METTL8: variants seen among roughly 807,000 people sequenced by gnomAD.
METTL8 encodes the protein methyltransferase 8, tRNA N3-cytidine.
In METTL8, 32 loss-of-function variants were observed where a neutral mutation model predicts 48.7. The observed-to-expected ratio is 0.66, with a 90% confidence interval of 0.50 to 0.88. The LOEUF is 0.88. METTL8 is among the 40% of genes least tolerant of loss of function. The pLI, the probability that METTL8 is intolerant of heterozygous loss-of-function variation, is 0.00. For synonymous variants in METTL8, 136 were observed against 157.1 expected (o/e 0.87, Z 1.01); for missense variants, 464 against 474.4 (o/e 0.98, Z 0.20).
chr2:171,331,330 C>T (rs1195423317), intron 6 of METTL8, among the ~76,000 whole-genome samples: 3 of 151,778 alleles, frequency 2.0e-5, no homozygotes, highest in African/African-American at 4.8e-5. Flanking sequence ...AAGATGGTCT[C>T]GATCTCCTGA....
intron 7 of METTL8, among the ~76,000 whole-genome samples, chr2:171,327,476 C>T (rs201889172): frequency 1.3e-5 from 2 of 152,170 alleles, no homozygotes; most frequent in East Asian, 3.8e-4. Context: ...CTTGTCTCTG[C>T]CTTATCTAAG....
chr2:171,331,243 T>A (rs1199232371), intron 6 of METTL8, among the ~76,000 whole-genome samples: 3 of 152,076 alleles, frequency 2.0e-5, no homozygotes, highest in African/African-American at 7.2e-5. Context: ...CCCAAGTAGC[T>A]GGGATTACAG....
intron 2 of METTL8, among the ~76,000 whole-genome samples, chr2:171,365,219 A>G (rs1405431135): frequency 6.6e-6 from 1 of 152,172 alleles, no homozygotes; most frequent in Non-Finnish European, 1.5e-5. Flanking sequence ...CCTTTGAAGC[A>G]GTGGAGTATA....
In METTL8 at chr2:171,337,510, C is replaced by A; in HGVS notation, c.607-8G>T. 3 of 1,600,314 alleles carry A rather than the reference C, an allele frequency of 1.9e-6. No individual in the cohort carries two copies. In the South Asian group the frequency reaches 3.4e-5, roughly 18 times the overall value. ...TCCAGCTCCACAACCAACCTAAAAT[C>A]AAAAGAACAAGCAAATATCAAAAAA... On this transcript the variant is annotated splice_region_variant and splice_polypyrimidine_tract_variant and intron_variant, in intron 4 of 9. Transcript: ENST00000375258.
chr2:171,324,099 G>T lies in METTL8; in HGVS notation c.*73C>A. ...TCTTCTTTTTTTCTCATTGTCTTTT[G>T]AGAAACAATAGACTTACAGTAGTCC... On this transcript the variant is annotated 3_prime_UTR_variant, in exon 10 of 10. Coordinates refer to ENST00000375258, the MANE Select transcript of METTL8 (RefSeq NM_001321154.2). The T allele has an allele frequency of 1.8e-6, 2 of 1,124,018 alleles. No homozygotes were observed. The highest frequency in any genetic ancestry group is 2.5e-6 in the Non-Finnish European group (2 of 808,004). The allele number at this position is 1,124,018 out of a possible 1,614,324, so 69.6% of individuals were successfully genotyped here. A position where few individuals can be genotyped will look rare whatever the true frequency, so the allele number is the denominator to read the frequency against.
At chr2:171,377,414 G>A (rs1245882351) in intron 2 of METTL8, among the ~76,000 whole-genome samples, 1 of 152,170 alleles carries the variant, frequency 6.6e-6, no homozygotes, top group Non-Finnish European at 1.5e-5. Flanking sequence ...AAAAGCTTCT[G>A]CAAAGCAAAA....
At position 171,375,235 on chromosome 2, in the gene METTL8, C is replaced by T. The variant is rs182242253; in HGVS notation, c.144-14722G>A. On this transcript the variant is annotated intron_variant, in intron 2 of 9. Transcript: ENST00000375258. ...GCAGCGAATAGGATGCACGTGGCCG[C>T]GGCCCTTTTTGGCATGACCGTTGTT... 301 of 1,261,172 alleles carry T rather than the reference C, an allele frequency of 2.4e-4. 1 individual carries two copies. The East Asian group carries it at 5.1e-3, about 22-fold the overall frequency. The allele number at this position is 1,261,172 out of a possible 1,614,324, so 78.1% of individuals were successfully genotyped here. A position where few individuals can be genotyped will look rare whatever the true frequency, so the allele number is the denominator to read the frequency against.
At chr2:171,427,640 T>A (rs1692552537) in intron 1 of METTL8, among the ~76,000 whole-genome samples, 2 of 152,316 alleles carry the variant, frequency 1.3e-5, no homozygotes, top group African/African-American at 4.8e-5. Context: ...CATTCAGGGC[T>A]CAGCTTACAT....
chr2:171,375,334 C>T (rs1686852076), intron 2 of METTL8: 6 of 703,156 alleles, frequency 8.5e-6, no homozygotes, highest in African/African-American at 1.8e-5. Context: ...TGCCAAGTTC[C>T]TCGTTAGCAT....
At chr2:171,388,873 G>A (rs1688317327) in intron 2 of METTL8, among the ~76,000 whole-genome samples, 1 of 152,106 alleles carries the variant, frequency 6.6e-6, no homozygotes, top group African/African-American at 2.4e-5. Context: ...TATTGTAATT[G>A]TTTTAGAGTA....
chr2:171,348,441 C>G (rs1683529659), intron 3 of METTL8, among the ~76,000 whole-genome samples: 1 of 152,174 alleles, frequency 6.6e-6, no homozygotes, highest in Non-Finnish European at 1.5e-5. Context: ...AAACAGGCAG[C>G]AGGCTGGATT....
At chr2:171,434,430 C>G, upstream of METTL8, 1 of 1,403,692 alleles carries the variant, frequency 7.1e-7, no homozygotes, top group Non-Finnish European at 9.7e-7. Context: ...TCGGGTGCTC[C>G]CTGCCCGCCT....
At chr2:171,414,311 AG>A (rs1391244718) in intron 1 of METTL8, among the ~76,000 whole-genome samples, 2 of 151,742 alleles carry the variant, frequency 1.3e-5, no homozygotes, top group Non-Finnish European at 2.9e-5. Context: ...CAGCTACTCG[AG>A]AGGCTGAGGC....
chr2:171,338,487 A>T (rs1040821647), intron 4 of METTL8, among the ~76,000 whole-genome samples: 2 of 152,086 alleles, frequency 1.3e-5, no homozygotes, highest in Non-Finnish European at 1.5e-5. Flanking sequence ...AAAATACAAA[A>T]AAATTAGCTG....
chr2:171,376,948 C>A (rs1045466443), intron 2 of METTL8, among the ~76,000 whole-genome samples: 1 of 152,156 alleles, frequency 6.6e-6, no homozygotes, highest in Admixed American at 6.6e-5. Context: ...TCAAACTATA[C>A]TATCAGGCTT....
At chr2:171,373,357 T>C (rs1559131649) in intron 2 of METTL8, among the ~76,000 whole-genome samples, 1 of 152,216 alleles carries the variant, frequency 6.6e-6, no homozygotes, top group Non-Finnish European at 1.5e-5. Context: ...TTTGATTGAG[T>C]TCTTTGTAGA....
chr2:171,352,332 GC>G (rs1489485195), intron 3 of METTL8, among the ~76,000 whole-genome samples: 15 of 152,160 alleles, frequency 9.9e-5, no homozygotes, highest in African/African-American at 2.9e-4. Context: ...TGGTGGATAA[GC>G]TTTTTGATGT....
intron 6 of METTL8, 71 bp from the exon 7 acceptor site, chr2:171,330,769 A>T: frequency 7.7e-7 from 1 of 1,295,696 alleles, no homozygotes; most frequent in South Asian, 1.5e-5. Context: ...TTTTTTAAAT[A>T]AAAAGGTCAA....
chr2:171,425,481 T>G (rs1223848129), intron 1 of METTL8, among the ~76,000 whole-genome samples: 1 of 152,166 alleles, frequency 6.6e-6, no homozygotes, highest in Admixed American at 6.5e-5. Context: ...CCTATTTGCT[T>G]TGAAGAAGCA....
Sources: allele counts gnomAD v4.1 joint callset (sites outside exome capture counted in the v4.1 genomes callset), GRCh38; gene constraint gnomAD v4.1.1; transcripts MANE v1.5; gene names NCBI Gene and HGNC (gene_info 2026-07-23, HGNC 2026-07-21).